ADGRL2: variants seen among roughly 807,000 people sequenced by gnomAD.
ADGRL2 encodes adhesion G protein-coupled receptor L2.
In ADGRL2, 44 loss-of-function variants were observed where a neutral mutation model predicts 157.4. That is an observed-to-expected ratio of 0.28 (90% CI 0.22 to 0.36). The LOEUF is 0.36. Ranked by LOEUF, ADGRL2 falls within the 10% of genes least tolerant of loss-of-function variation. ADGRL2 has a pLI of 1.00. For missense variants in ADGRL2, 1,510 were observed against 1,768.9 expected (o/e 0.85, Z 2.63); for synonymous variants, 585 against 624.7 (o/e 0.94, Z 0.95).
chr1:81,439,630 C>T (rs2077471164), intron 1 of ADGRL2, among the ~76,000 whole-genome samples: 1 of 152,234 alleles, frequency 6.6e-6, no homozygotes, highest in Non-Finnish European at 1.5e-5. Flanking sequence ...GGTGTGTCGC[C>T]TTGAGGGGAA....
intron 1 of ADGRL2, among the ~76,000 whole-genome samples, chr1:81,344,087 T>G (rs761845614): frequency 6.6e-6 from 1 of 152,208 alleles, no homozygotes; most frequent in East Asian, 1.9e-4. Flanking sequence ...TTTTTCTTTT[T>G]GAGACAGAGT....
chr1:81,637,770 A>T (rs1056353000), intron 3 of ADGRL2, among the ~76,000 whole-genome samples: 11 of 152,092 alleles, frequency 7.2e-5, no homozygotes, highest in Admixed American at 2.0e-4. Context: ...AAAACTGAAA[A>T]TTTTTTCTGT....
At chr1:81,390,036 C>T (rs2076505413) in intron 1 of ADGRL2, among the ~76,000 whole-genome samples, 1 of 143,976 alleles carries the variant, frequency 6.9e-6, no homozygotes, top group Non-Finnish European at 1.5e-5. Context: ...TCTATGGATT[C>T]TTCTTCCTCA....
intron 2 of ADGRL2, among the ~76,000 whole-genome samples, chr1:81,880,101 T>C (rs1358208967): frequency 6.6e-6 from 1 of 152,178 alleles, no homozygotes; most frequent in Non-Finnish European, 1.5e-5. Context: ...ATCCGAACAA[T>C]GGAAATTATA....
At chr1:81,926,676 A>G (rs1030697900) in intron 3 of ADGRL2, among the ~76,000 whole-genome samples, 7 of 152,006 alleles carry the variant, frequency 4.6e-5, no homozygotes, top group Middle Eastern at 3.2e-3. Flanking sequence ...ACAAAATTTT[A>G]TGGTTTTTAT....
intron 1 of ADGRL2, among the ~76,000 whole-genome samples, chr1:81,361,788 T>C (rs1221107110): frequency 1.3e-5 from 2 of 151,936 alleles, no homozygotes; most frequent in Non-Finnish European, 2.9e-5. Context: ...ACCTATTATA[T>C]ACAGGGCATT....
intron 1 of ADGRL2, among the ~76,000 whole-genome samples, chr1:81,419,201 T>A (rs2077084075): frequency 6.6e-6 from 1 of 152,214 alleles, no homozygotes; most frequent in Admixed American, 6.5e-5. Flanking sequence ...TTATCTTTTT[T>A]TATTATTATT....
intron 2 of ADGRL2, among the ~76,000 whole-genome samples, chr1:81,893,310 A>T (rs2389207): frequency 0.03 from 3,453 of 114,338 alleles, 64 homozygotes; most frequent in Middle Eastern, 0.089. Context: ...GTGACTTATC[A>T]ATCCTGTCTT....
At chr1:81,811,679 T>C (rs1255981539) in intron 1 of ADGRL2, among the ~76,000 whole-genome samples, 2 of 151,788 alleles carry the variant, frequency 1.3e-5, no homozygotes, top group African/African-American at 4.8e-5. Context: ...TTTTTTTTAA[T>C]TGAAATGAAA....
chr1:81,798,091 C>G (rs61773934), upstream of ADGRL2, among the ~76,000 whole-genome samples: 966 of 152,270 alleles, frequency 6.3e-3, 4 homozygotes, highest in Non-Finnish European at 9.4e-3. Flanking sequence ...GAATGCGTAA[C>G]ATACTCCAAC....
intron 1 of ADGRL2, among the ~76,000 whole-genome samples, chr1:81,332,030 T>C (rs541665939): frequency 5.3e-5 from 8 of 152,240 alleles, no homozygotes; most frequent in Non-Finnish European, 1.2e-4. Context: ...ACAAACTCTT[T>C]CCATGGGCCC....
Position 81,420,860 on chromosome 1 carries a change from A to G in ADGRL2, c.-301-24176A>G, listed in dbSNP as rs115089327. 9.6e-3 allele frequency among the ~76,000 whole-genome samples: 1,466 copies of G among 152,314 alleles called. 8 individuals are homozygous for G. The highest frequency in any genetic ancestry group is 0.015 in the Non-Finnish European group (1,053 of 68,036). ...CTCAGGGTTATGAAAGATGAACTAC[A>G]TTAAATGGTAAATCATTAAATATCA... On this transcript the variant is annotated intron_variant, in intron 1 of 24. Transcript: ENST00000370721.
At chr1:81,343,092 C>CTTTTTTTTTTTT (rs544677891) in intron 1 of ADGRL2, among the ~76,000 whole-genome samples, 1 of 131,150 alleles carries the variant, frequency 7.6e-6, no homozygotes. Flanking sequence ...TTTTTCTTTT[C>CTTTTTTTTTTTT]TTTTTTTTTT....
chr1:81,440,943 A>C (rs1463445022), intron 1 of ADGRL2, among the ~76,000 whole-genome samples: 1 of 152,168 alleles, frequency 6.6e-6, no homozygotes, highest in Non-Finnish European at 1.5e-5. Context: ...ACAGCCTACT[A>C]TCTTCCTCAC....
At chr1:81,417,314 A>G (rs2077049827) in intron 1 of ADGRL2, among the ~76,000 whole-genome samples, 1 of 152,166 alleles carries the variant, frequency 6.6e-6, no homozygotes, top group African/African-American at 2.4e-5. Flanking sequence ...TTGGTAAATC[A>G]TTATAATGAT....
intron 1 of ADGRL2, among the ~76,000 whole-genome samples, chr1:81,704,855 G>A (rs2083681934): frequency 1.3e-5 from 2 of 152,056 alleles, no homozygotes; most frequent in African/African-American, 4.8e-5. Context: ...ATCATCTAAT[G>A]GAAAGACAAA....
chr1:81,619,225 G>A (rs1045054036), intron 3 of ADGRL2, among the ~76,000 whole-genome samples: 1 of 151,610 alleles, frequency 6.6e-6, no homozygotes, highest in African/African-American at 2.4e-5. Flanking sequence ...AAAGGAGCTG[G>A]AACGTATCAC....
Position 81,993,060 on chromosome 1 carries a change from T to TAC in ADGRL2, c.*1916_*1917insCA, listed in dbSNP as rs1206685753. On this transcript the variant is annotated 3_prime_UTR_variant, in exon 24 of 24. Transcript: ENST00000686636. Reference sequence around the variant, plus strand: ...ATTAAGTGCATATATATAATATACATATATATATATATATATATATATATA... The same window carrying TAC: ...ATTAAGTGCATATATATAATATACATACATATATATATATATATATATATATA... Among the ~76,000 whole-genome samples, 2 of 24,636 alleles carry TAC rather than the reference T, an allele frequency of 8.1e-5. No individual in the cohort carries two copies. The highest frequency in any genetic ancestry group is 2.8e-4 in the African/African-American group (1 of 3,630). The allele number at this position is 24,636 out of a possible 152,430, so 16.2% of individuals were successfully genotyped here.
chr1:81,921,078 GCAGA>G (rs978468954), intron 3 of ADGRL2, among the ~76,000 whole-genome samples: 2 of 152,096 alleles, frequency 1.3e-5, no homozygotes, highest in African/African-American at 4.8e-5. Context: ...TTAGAAGTGG[GCAGA>G]CATTCTAATG....
Sources: gnomAD v4.1 joint callset for allele counts (sites outside exome capture counted in the v4.1 genomes callset) on GRCh38, gnomAD v4.1.1 for gene constraint, MANE v1.5 for transcripts, NCBI Gene and HGNC (gene_info 2026-07-23, HGNC 2026-07-21) for gene names.